TEAD1: variants seen among roughly 807,000 people sequenced by gnomAD.
The protein encoded by TEAD1 is transcriptional enhancer factor TEF-1.
In TEAD1, 9 loss-of-function variants were observed where a neutral mutation model predicts 54.9. The ratio of observed to expected loss-of-function variants is 0.16; its 90% CI spans 0.10 to 0.29. The LOEUF is 0.29. Ranked by LOEUF, TEAD1 falls within the 10% of genes least tolerant of loss-of-function variation. The pLI, the probability that TEAD1 is intolerant of heterozygous loss-of-function variation, is 1.00. For missense variants in TEAD1, 387 were observed against 535.9 expected (o/e 0.72, Z 2.74); for synonymous variants, 200 against 187.8 (o/e 1.07, Z -0.53).
intron 3 of TEAD1, among the ~76,000 whole-genome samples, chr11:12,853,559 A>G (rs1051310525): frequency 3.3e-5 from 5 of 152,244 alleles, no homozygotes; most frequent in Admixed American, 1.3e-4. Flanking sequence ...TTATTGCCTC[A>G]TAGAGAATGA....
Position 12,690,268 on chromosome 11 carries a change from A to G in TEAD1, c.-55+14707A>G, listed in dbSNP as rs370638977. On this transcript the variant is annotated intron_variant, in intron 2 of 12. Transcript: ENST00000527636. ...AAAAAAAAAAAAAAAAAAAAATAAT[A>G]AGCCCTTAATGTCAAATATCTAGTC... Among the ~76,000 whole-genome samples the G allele has an allele frequency of 1.8e-4, 27 of 150,868 alleles. No individual in the cohort carries two copies. The Middle Eastern group carries it at 0.014, about 77-fold the overall frequency.
intron 10 of TEAD1, chr11:12,921,274 G>A (rs1948799421): frequency 6.6e-6 from 1 of 151,996 alleles, no homozygotes; most frequent in Non-Finnish European, 1.5e-5. Flanking sequence ...TGGTGGCTTA[G>A]GCCTGTAATC....
intron 3 of TEAD1, among the ~76,000 whole-genome samples, chr11:12,806,153 A>C (rs1329517066): frequency 6.6e-6 from 1 of 152,164 alleles, no homozygotes; most frequent in African/African-American, 2.4e-5. Context: ...CTCACCTCCT[A>C]CTTTGACAAA....
At chr11:12,877,014 C>G (rs139331072) in intron 5 of TEAD1, among the ~76,000 whole-genome samples, 4 of 152,290 alleles carry the variant, frequency 2.6e-5, no homozygotes, top group African/African-American at 9.6e-5. Flanking sequence ...GATTTGCCCT[C>G]TTTCTGGCAT....
intron 3 of TEAD1, among the ~76,000 whole-genome samples, chr11:12,769,160 C>T (rs1474588879): frequency 6.6e-6 from 1 of 152,130 alleles, no homozygotes; most frequent in Non-Finnish European, 1.5e-5. Flanking sequence ...CAAGGAAGGA[C>T]CCTTTCTTAC....
At chr11:12,766,162 A>T (rs2133928319) in intron 3 of TEAD1, among the ~76,000 whole-genome samples, 2 of 152,304 alleles carry the variant, frequency 1.3e-5, no homozygotes, top group Admixed American at 1.3e-4. Flanking sequence ...TTCCCACAGG[A>T]AATACTGGGA....
At position 12,944,616 on chromosome 11, in the gene TEAD1, G is replaced by T. The variant is rs1949190411; in HGVS notation, c.*7394G>T. On this transcript the variant is annotated 3_prime_UTR_variant, in exon 13 of 13. Coordinates refer to ENST00000527636, the MANE Select transcript of TEAD1 (RefSeq NM_021961.6). The stretch of plus-strand genomic sequence containing the variant: ...TGTCAGTTCCTGCAGGTGTTTTCAT[G>T]TCTTTGCAAAGTGACACATTTTGAT... The T allele has an allele frequency of 1.3e-5, 2 of 152,522 alleles. No individual in the cohort carries two copies. The highest frequency in any genetic ancestry group is 2.9e-5 in the Non-Finnish European group (2 of 68,026). The allele number at this position is 152,522 out of a possible 1,614,324, so 9.4% of individuals were successfully genotyped here. A position where few individuals can be genotyped will look rare whatever the true frequency, so the allele number is the denominator to read the frequency against.
intron 3 of TEAD1, among the ~76,000 whole-genome samples, chr11:12,795,507 G>A (rs1945897832): frequency 1.3e-5 from 2 of 152,222 alleles, no homozygotes; most frequent in South Asian, 4.1e-4. Context: ...CAATTAGGCA[G>A]TGTTGGGACC....
At chr11:12,841,889 C>T (rs1041545814) in intron 3 of TEAD1, among the ~76,000 whole-genome samples, 15 of 152,160 alleles carry the variant, frequency 9.9e-5, no homozygotes, top group African/African-American at 3.4e-4. Flanking sequence ...CTGTACTTTT[C>T]CACACTTACC....
intron 3 of TEAD1, among the ~76,000 whole-genome samples, chr11:12,830,771 C>A (rs1022657859): frequency 7.3e-5 from 10 of 137,230 alleles, no homozygotes; most frequent in Admixed American, 6.8e-4. Flanking sequence ...CGCACACGCA[C>A]ATGCACATGC....
intron 3 of TEAD1, among the ~76,000 whole-genome samples, chr11:12,804,802 C>G (rs942245447): frequency 6.6e-6 from 1 of 152,194 alleles, no homozygotes; most frequent in South Asian, 2.1e-4. Context: ...AAAGAAAGCC[C>G]CTTTAGAGAG....
intron 10 of TEAD1, among the ~76,000 whole-genome samples, chr11:12,914,675 A>G (rs536385017): frequency 9.3e-5 from 14 of 150,388 alleles, no homozygotes; most frequent in African/African-American, 3.4e-4. Flanking sequence ...TAGAGCAGCC[A>G]GCTTTCTCCA....
At chr11:12,817,332 C>T (rs980105886) in intron 3 of TEAD1, among the ~76,000 whole-genome samples, 11 of 152,298 alleles carry the variant, frequency 7.2e-5, no homozygotes, top group East Asian at 1.9e-4. Context: ...GTCAGCCAGA[C>T]GGAGAATAAA....
chr11:12,733,386 C>T (rs1234233781), intron 2 of TEAD1, among the ~76,000 whole-genome samples: 1 of 152,162 alleles, frequency 6.6e-6, no homozygotes, highest in Admixed American at 6.5e-5. Context: ...CTGCTTCCTA[C>T]CCGCCAGTGG....
chr11:12,825,348 C>T (rs185460676), intron 3 of TEAD1, among the ~76,000 whole-genome samples: 183 of 152,260 alleles, frequency 1.2e-3, no homozygotes, highest in African/African-American at 3.9e-3. Context: ...TGCCCAATCC[C>T]GATTCCCCCA....
chr11:12,715,594 G>T (rs1944042331), intron 2 of TEAD1, among the ~76,000 whole-genome samples: 2 of 152,134 alleles, frequency 1.3e-5, no homozygotes, highest in South Asian at 4.1e-4. Flanking sequence ...CGGGGCTGCT[G>T]GAGACAGGCC....
intron 3 of TEAD1, among the ~76,000 whole-genome samples, chr11:12,848,563 TA>T (rs1422210900): frequency 2.6e-5 from 4 of 152,208 alleles, no homozygotes; most frequent in Non-Finnish European, 5.9e-5. Context: ...GCAAGTTTCT[TA>T]ACTTCTTTGA....
intron 2 of TEAD1, among the ~76,000 whole-genome samples, chr11:12,699,015 A>G (rs1943642505): frequency 6.6e-6 from 1 of 152,182 alleles, no homozygotes; most frequent in African/African-American, 2.4e-5. Context: ...CCTATTCAGA[A>G]ATTACTGGAG....
Position 12,901,928 on chromosome 11 carries a change from G to A in TEAD1, c.700-12G>A. 6.2e-7 allele frequency: 1 copy of A among 1,614,082 alleles called. No individual in the cohort carries two copies. The highest frequency in any genetic ancestry group is 8.5e-7 in the Non-Finnish European group (1 of 1,179,992). ...AGTTTGTAATGGGAATGTTTCTGTT[G>A]GTTTCTTACAGTACAACAAACACCT... is the stretch of plus-strand genomic sequence containing the variant. On this transcript the variant is annotated splice_polypyrimidine_tract_variant and intron_variant, in intron 9 of 12. Transcript: ENST00000527636.
Sources: allele counts gnomAD v4.1 joint callset (sites outside exome capture counted in the v4.1 genomes callset), GRCh38; gene constraint gnomAD v4.1.1; transcripts MANE v1.5; gene names NCBI Gene and HGNC (gene_info 2026-07-23, HGNC 2026-07-21).